PPP2R3A: variants seen among roughly 807,000 people sequenced by gnomAD.
The protein encoded by PPP2R3A is protein phosphatase 2 regulatory subunit B''alpha, also known as serine/threonine-protein phosphatase 2A regulatory subunit B'' subunit alpha.
PPP2R3A carries 80 observed loss-of-function variants against 106.9 expected under a neutral mutation model. That is an observed-to-expected ratio of 0.75 (90% CI 0.62 to 0.90). The LOEUF (loss-of-function observed/expected upper bound fraction) is 0.90, where lower values mean the gene tolerates loss of function less well. Among genes scored for constraint, PPP2R3A ranks in the 40% least tolerant of loss-of-function variants. The pLI is 0.00. For synonymous variants in PPP2R3A, 483 were observed against 468.3 expected, an observed-to-expected ratio of 1.03 and a Z score of -0.41; for missense variants, 1,386 against 1,350.4, an observed-to-expected ratio of 1.03 and a Z score of -0.41.
chr3:135,974,810 G>A (rs1937366101), intron 1 of PPP2R3A, among the ~76,000 whole-genome samples: 1 of 152,190 alleles, frequency 6.6e-6, no homozygotes, highest in African/African-American at 2.4e-5. Context: ...AGTTCCTCCA[G>A]TTGAAAAAGC....
intron 10 of PPP2R3A, among the ~76,000 whole-genome samples, chr3:136,100,076 A>G (rs929143995): frequency 6.6e-6 from 1 of 152,166 alleles, no homozygotes; most frequent in African/African-American, 2.4e-5. Context: ...GATATTTCAA[A>G]CTACTAAGGA....
chr3:136,127,475 A>C (rs901890752), intron 13 of PPP2R3A, among the ~76,000 whole-genome samples: 2 of 152,198 alleles, frequency 1.3e-5, no homozygotes, highest in Admixed American at 1.3e-4. Flanking sequence ...AAAGAGTAAA[A>C]AGAAACAAAC....
At chr3:136,064,154 A>G (rs1284790358) in intron 5 of PPP2R3A, among the ~76,000 whole-genome samples, 1 of 151,664 alleles carries the variant, frequency 6.6e-6, no homozygotes, top group Non-Finnish European at 1.5e-5. Context: ...ATTCTGAGCA[A>G]ACTATCAAAA....
At chr3:136,087,852 G>C in intron 8 of PPP2R3A, 31 bp from the exon 9 acceptor site, 14 of 1,577,826 alleles carry the variant, frequency 8.9e-6, no homozygotes, top group Non-Finnish European at 1.2e-5. Context: ...TTTCTAACTA[G>C]CTTTGCAATT....
chr3:136,084,201 G>GA (rs1553753517), intron 8 of PPP2R3A, among the ~76,000 whole-genome samples: 1 of 152,124 alleles, frequency 6.6e-6, no homozygotes, highest in Non-Finnish European at 1.5e-5. Flanking sequence ...CAGGCCTGGG[G>GA]CCCCCCCTGC....
At chr3:136,112,708 A>G (rs1937612997) in intron 13 of PPP2R3A, among the ~76,000 whole-genome samples, 1 of 152,222 alleles carries the variant, frequency 6.6e-6, no homozygotes. Flanking sequence ...CATGCTGCCC[A>G]TTGTGCTCGT....
intron 13 of PPP2R3A, 49 bp downstream of exon 13, chr3:136,106,371 T>G (rs376581617): frequency 1.8e-5 from 25 of 1,427,930 alleles, no homozygotes; most frequent in African/African-American, 7.1e-5. Flanking sequence ...GGAATGCGCA[T>G]GTCCAGAGTA....
intron 2 of PPP2R3A, among the ~76,000 whole-genome samples, chr3:136,011,238 A>G (rs1934062106): frequency 6.6e-6 from 1 of 151,008 alleles, no homozygotes; most frequent in African/African-American, 2.4e-5. Flanking sequence ...TTCCCCTAAC[A>G]CTTATCACCC....
intron 2 of PPP2R3A, among the ~76,000 whole-genome samples, chr3:136,009,720 T>A (rs534917852): frequency 2.0e-5 from 3 of 152,260 alleles, no homozygotes; most frequent in Admixed American, 6.5e-5. Context: ...TAACAAGCCC[T>A]CCGGGTGATT....
At chr3:136,105,320 G>T (rs965530814) in intron 12 of PPP2R3A, among the ~76,000 whole-genome samples, 1 of 152,188 alleles carries the variant, frequency 6.6e-6, no homozygotes, top group Non-Finnish European at 1.5e-5. Flanking sequence ...AAATGTCTCT[G>T]ATTACAAGGC....
chr3:136,013,446 G>C lies in PPP2R3A; in HGVS notation c.1995+9953G>C, dbSNP rs376698146. Among the ~76,000 whole-genome samples the C allele has an allele frequency of 8.5e-5, 13 of 152,180 alleles. No individual in the cohort carries two copies. The East Asian group carries it at 2.3e-3, about 27-fold the overall frequency. ...GAATTTTCATACTGTTTTCCAGATT[G>C]ATTGTACTAGTTTACATTCCCACCA... On this transcript the variant is annotated intron_variant, in intron 2 of 13. Coordinates refer to ENST00000264977, the MANE Select transcript of PPP2R3A (RefSeq NM_002718.5).
Position 136,040,869 on chromosome 3 carries a change from G to T in PPP2R3A, c.2273G>T (p.Cys758Phe). Reference protein sequence around the residue: ...EMGKIAKVCGCPLYWKAPMFR... With the variant: ...EMGKIAKVCGFPLYWKAPMFR... ...GTTTTCTATTTGCAGGTCTGTGGCT[G>T]TCCTCTCTATTGGAAAGCCCCCATG... The change falls in exon 4 of 14, where the codon TGT (cysteine) becomes TTT (phenylalanine). Residue 758 changes from cysteine (C) to phenylalanine (F), a missense_variant. Coordinates refer to ENST00000264977, the MANE Select transcript of PPP2R3A (RefSeq NM_002718.5). The T allele has an allele frequency of 1.2e-6, 2 of 1,612,290 alleles. No homozygotes were observed. Among genetic ancestry groups the T allele is most frequent in the Non-Finnish European group, 1.7e-6 (2 of 1,179,286 alleles).
intron 2 of PPP2R3A, chr3:136,022,716 A>T: frequency 9.8e-7 from 1 of 1,016,600 alleles, no homozygotes; most frequent in Non-Finnish European, 1.2e-6. Flanking sequence ...ACTTTGGTAC[A>T]CAGAGTAGTG....
chr3:136,017,053 CTT>C (rs1270399724), intron 2 of PPP2R3A, among the ~76,000 whole-genome samples: 3 of 152,104 alleles, frequency 2.0e-5, no homozygotes, highest in Non-Finnish European at 2.9e-5. Context: ...CTGAAAAAGA[CTT>C]TATCTTTCTT....
chr3:136,007,186 ATC>A (rs1933876825), intron 2 of PPP2R3A, among the ~76,000 whole-genome samples: 1 of 152,220 alleles, frequency 6.6e-6, no homozygotes, highest in Non-Finnish European at 1.5e-5. Context: ...AGATGTGTGA[ATC>A]TCTCTTAAGT....
At chr3:136,034,039 C>CTTTTTTTTTTTT (rs71157353) in intron 3 of PPP2R3A, among the ~76,000 whole-genome samples, 1 of 131,390 alleles carries the variant, frequency 7.6e-6, no homozygotes, top group African/African-American at 2.8e-5. Flanking sequence ...TTTTCTTTTT[C>CTTTTTTTTTTTT]TTTTTTTTTT....
chr3:136,061,079 A>C (rs1239337850), intron 5 of PPP2R3A, among the ~76,000 whole-genome samples: 4 of 152,220 alleles, frequency 2.6e-5, no homozygotes, highest in Admixed American at 6.5e-5. Context: ...ATGCTGATAC[A>C]AGAAAAAGCT....
At chr3:135,974,593 G>A (rs556708457) in intron 1 of PPP2R3A, among the ~76,000 whole-genome samples, 7 of 152,254 alleles carry the variant, frequency 4.6e-5, no homozygotes, top group Non-Finnish European at 8.8e-5. Flanking sequence ...CTTCCAACAA[G>A]CCAGGTATGT....
intron 2 of PPP2R3A, among the ~76,000 whole-genome samples, chr3:136,010,733 CCTGT>C (rs981937268): frequency 1.9e-4 from 29 of 150,950 alleles, no homozygotes; most frequent in Admixed American, 5.3e-4. Flanking sequence ...TCCCCAAACT[CCTGT>C]CTAAGGCCAG....
Sources: allele counts gnomAD v4.1 joint callset (sites outside exome capture counted in the v4.1 genomes callset), GRCh38; gene constraint gnomAD v4.1.1; transcripts MANE v1.5; gene names NCBI Gene and HGNC (gene_info 2026-07-23, HGNC 2026-07-21).